Variants in DPH6 observed in about 807,000 individuals in gnomAD.
DPH6 encodes the protein diphthine--ammonia ligase.
A neutral mutation model predicts 38.2 loss-of-function variants in DPH6; 33 were observed. The ratio of observed to expected loss-of-function variants is 0.86; its 90% CI spans 0.65 to 1.15. The LOEUF (loss-of-function observed/expected upper bound fraction) is 1.15. DPH6 is among the 50% of genes most tolerant of loss of function. The probability of loss-of-function intolerance (pLI) is 0.00; values close to 1 mark genes in which losing one functional copy is unlikely to be tolerated. For missense variants in DPH6, 325 were observed against 320.0 expected, an observed-to-expected ratio of 1.02 and a Z score of -0.12; for synonymous variants, 108 against 103.0, an observed-to-expected ratio of 1.05 and a Z score of -0.30.
chr15:35,156,184 T>C, the DPH6 span, among the ~76,000 whole-genome samples: 28 of 152,258 alleles, frequency 1.8e-4, no homozygotes, highest in East Asian at 4.4e-3. Context: ...TGTACAAAAA[T>C]TGGTTTGTGA....
chr15:35,242,404 C>T (rs2051606868), intron 3 of DPH6, among the ~76,000 whole-genome samples: 1 of 142,566 alleles, frequency 7.0e-6, no homozygotes, highest in South Asian at 2.4e-4. Context: ...TTTAGCCTAG[C>T]CCTCATGTCT....
the DPH6 span, among the ~76,000 whole-genome samples, chr15:35,149,682 C>T: frequency 1.3e-5 from 2 of 152,208 alleles, no homozygotes; most frequent in African/African-American, 4.8e-5. Flanking sequence ...TTTGCAAAGC[C>T]AATGTACACT....
the DPH6 span, among the ~76,000 whole-genome samples, chr15:35,159,708 T>C: frequency 3.2e-4 from 49 of 152,044 alleles, no homozygotes; most frequent in African/African-American, 1.1e-3. Context: ...TTACTGCATA[T>C]ATATCCAAAG....
chr15:35,152,472 G>A, the DPH6 span, among the ~76,000 whole-genome samples: 1 of 152,046 alleles, frequency 6.6e-6, no homozygotes, highest in Admixed American at 6.6e-5. Context: ...TCAGAAAAAC[G>A]ATTATATTGC....
chr15:35,222,223 T>G (rs2051447475), intron 3 of DPH6, among the ~76,000 whole-genome samples: 1 of 152,238 alleles, frequency 6.6e-6, no homozygotes, highest in Non-Finnish European at 1.5e-5. Context: ...GCTCAATTCA[T>G]GACAATATAG....
At chr15:35,313,878 G>C (rs1025477493) in intron 3 of DPH6, among the ~76,000 whole-genome samples, 9 of 152,120 alleles carry the variant, frequency 5.9e-5, no homozygotes, top group Non-Finnish European at 1.3e-4. Flanking sequence ...CAGGGCATTT[G>C]TCTGGGCAAG....
chr15:35,494,794 T>A lies in DPH6; in HGVS notation c.313-39974A>T, dbSNP rs560036484. On this transcript the variant is annotated intron_variant, in intron 3 of 8. Coordinates refer to ENST00000256538, the MANE Select transcript of DPH6 (RefSeq NM_080650.4). ...CAAAGTCCACTCATGATTTTTTTTT[T>A]AAAAAAAAACTTGCTTAACAAATGA... Among the ~76,000 whole-genome samples, 410 of 151,178 alleles carry A rather than the reference T, an allele frequency of 2.7e-3. 5 individuals are homozygous for A. The highest frequency in any genetic ancestry group is 0.01 in the South Asian group (49 of 4,792).
At chr15:35,235,451 T>C (rs2051544653) in intron 3 of DPH6, among the ~76,000 whole-genome samples, 1 of 152,176 alleles carries the variant, frequency 6.6e-6, no homozygotes, top group South Asian at 2.1e-4. Flanking sequence ...GTCGATTACT[T>C]GGCAAAAAAA....
intron 3 of DPH6, among the ~76,000 whole-genome samples, chr15:35,317,603 G>GAAAAAA (rs1276434114): frequency 4.1e-5 from 6 of 145,166 alleles, no homozygotes; most frequent in East Asian, 2.0e-4. Context: ...AAAAAAAAAA[G>GAAAAAA]AAAAAAAGAA....
intron 5 of DPH6, among the ~76,000 whole-genome samples, chr15:35,420,881 G>T (rs958539807): frequency 6.6e-6 from 1 of 151,968 alleles, no homozygotes; most frequent in South Asian, 2.1e-4. Flanking sequence ...GAAAAACAGG[G>T]GCAGGACTCA....
intron 4 of DPH6, among the ~76,000 whole-genome samples, chr15:35,453,810 A>T (rs1056767188): frequency 7.1e-6 from 1 of 140,244 alleles, no homozygotes; most frequent in Admixed American, 7.3e-5. Context: ...AAATGAAACA[A>T]GTGTTCAAAT....
intron 3 of DPH6, among the ~76,000 whole-genome samples, chr15:35,483,016 T>C (rs1449329144): frequency 6.6e-6 from 1 of 151,994 alleles, no homozygotes; most frequent in Non-Finnish European, 1.5e-5. Context: ...ACCTATTAAA[T>C]TGTATATTCA....
chr15:35,410,464 A>G (rs1438935526), intron 6 of DPH6, among the ~76,000 whole-genome samples: 1 of 151,762 alleles, frequency 6.6e-6, no homozygotes, highest in East Asian at 1.9e-4. Context: ...AAGGGGTTAC[A>G]TTAATCTCTA....
At chr15:35,461,114 T>G (rs1299331794) in intron 3 of DPH6, among the ~76,000 whole-genome samples, 1 of 152,194 alleles carries the variant, frequency 6.6e-6, no homozygotes, top group African/African-American at 2.4e-5. Flanking sequence ...AGATGGAGTC[T>G]CGCTCTGTCG....
chr15:35,484,032 G>A (rs2054363492), intron 3 of DPH6, among the ~76,000 whole-genome samples: 1 of 152,140 alleles, frequency 6.6e-6, no homozygotes, highest in African/African-American at 2.4e-5. Context: ...TGAGATATGT[G>A]AGCAAGAGTG....
downstream of DPH6, among the ~76,000 whole-genome samples, chr15:35,366,420 A>G (rs2052661063): frequency 1.3e-5 from 2 of 151,972 alleles, no homozygotes; most frequent in Admixed American, 6.6e-5. Flanking sequence ...TGAAATGTTG[A>G]AGAATAACAT....
the DPH6 span, among the ~76,000 whole-genome samples, chr15:35,187,419 G>A: frequency 2.7e-3 from 418 of 152,204 alleles, 2 homozygotes; most frequent in African/African-American, 9.5e-3. Context: ...TAGCTGAATG[G>A]ATTAATATAA....
At chr15:35,191,623 C>A in the DPH6 span, among the ~76,000 whole-genome samples, 2 of 152,124 alleles carry the variant, frequency 1.3e-5, no homozygotes, top group African/African-American at 4.8e-5. Context: ...AGATTAAAAC[C>A]AATGCAATTG....
intron 5 of DPH6, among the ~76,000 whole-genome samples, chr15:35,439,797 A>G (rs1380099360): frequency 6.6e-6 from 1 of 152,156 alleles, no homozygotes; most frequent in Non-Finnish European, 1.5e-5. Context: ...AAAAAAAAAA[A>G]AGTCCTATCT....
Sources: gnomAD v4.1 joint callset for allele counts (sites outside exome capture counted in the v4.1 genomes callset) on GRCh38, gnomAD v4.1.1 for gene constraint, MANE v1.5 for transcripts, NCBI Gene and HGNC (gene_info 2026-07-23, HGNC 2026-07-21) for gene names.